PRKCE: variants seen among roughly 807,000 people sequenced by gnomAD.
PRKCE encodes protein kinase C epsilon.
In PRKCE, 16 loss-of-function variants were observed where a neutral mutation model predicts 85.4. The ratio of observed to expected loss-of-function variants is 0.19; its 90% confidence interval spans 0.13 to 0.28. The LOEUF (loss-of-function observed/expected upper bound fraction) is 0.28, where lower values mean the gene tolerates loss of function less well. Ranked by LOEUF, PRKCE falls within the 10% of genes least tolerant of loss-of-function variation. The pLI is 1.00. For synonymous variants in PRKCE, 388 were observed against 371.5 expected (o/e 1.04, Z -0.51); for missense variants, 573 against 975.2 (o/e 0.59, Z 5.49).
chr2:45,938,733 A>ATAAT (rs1394508290), intron 2 of PRKCE, among the ~76,000 whole-genome samples: 1 of 151,656 alleles, frequency 6.6e-6, no homozygotes, highest in Non-Finnish European at 1.5e-5. Flanking sequence ...AAGTAAACAA[A>ATAAT]TGTGCAAGTT....
chr2:45,978,810 G>C (rs575092993), intron 3 of PRKCE, among the ~76,000 whole-genome samples, 166 bp from the exon 4 acceptor site: 1 of 152,322 alleles, frequency 6.6e-6, no homozygotes, highest in East Asian at 1.9e-4. Flanking sequence ...GCTTCTGGAA[G>C]GAGACATTTA....
At chr2:46,178,934 G>C (rs1043691690) in intron 14 of PRKCE, among the ~76,000 whole-genome samples, 13 of 152,134 alleles carry the variant, frequency 8.5e-5, no homozygotes, top group African/African-American at 3.1e-4. Flanking sequence ...TGGAGTTACG[G>C]AAGTCATAAG....
At chr2:46,000,043 A>G (rs772933295) in intron 6 of PRKCE, among the ~76,000 whole-genome samples, 3 of 152,108 alleles carry the variant, frequency 2.0e-5, no homozygotes, top group Non-Finnish European at 4.4e-5. Context: ...CATATTAATC[A>G]TAGTTGTTTT....
chr2:46,162,361 T>G (rs1677863378), intron 14 of PRKCE, among the ~76,000 whole-genome samples: 1 of 152,170 alleles, frequency 6.6e-6, no homozygotes, highest in South Asian at 2.1e-4. Context: ...TATCACCCCC[T>G]GAGAGGATGG....
chr2:45,892,368 G>GA (rs1236224564), intron 2 of PRKCE, among the ~76,000 whole-genome samples: 1 of 180 alleles, frequency 5.6e-3, no homozygotes, highest in Admixed American at 0.05. Context: ...AGTGCTGGAT[G>GA]AACGGGGCTC....
At chr2:45,886,040 C>T (rs528953217) in intron 2 of PRKCE, among the ~76,000 whole-genome samples, 1 of 152,314 alleles carries the variant, frequency 6.6e-6, no homozygotes, top group Non-Finnish European at 1.5e-5. Context: ...GCCTCCTGCT[C>T]CTCCTCTTCC....
intron 11 of PRKCE, among the ~76,000 whole-genome samples, chr2:46,091,219 T>TGCA (rs1670139547): frequency 6.6e-6 from 1 of 152,156 alleles, no homozygotes; most frequent in Non-Finnish European, 1.5e-5. Context: ...CTGTTTCCAC[T>TGCA]TTTCCTAATT....
At chr2:46,011,546 C>T (rs372818394) in intron 10 of PRKCE, among the ~76,000 whole-genome samples, 4 of 152,226 alleles carry the variant, frequency 2.6e-5, no homozygotes, top group East Asian at 1.9e-4. Flanking sequence ...TTTGGTACAC[C>T]GTTTCCCAGA....
chr2:45,980,570 C>G (rs1209389735), intron 5 of PRKCE, among the ~76,000 whole-genome samples, 189 bp downstream of exon 5: 1 of 152,198 alleles, frequency 6.6e-6, no homozygotes, highest in African/African-American at 2.4e-5. Context: ...GAGCACAGGT[C>G]CAAGTCAGTT....
chr2:46,007,596 G>A lies in PRKCE; in HGVS notation c.1198G>A (p.Ala400Thr). ...GAATGGCGAAGTCCGGCAAGGCCAG[G>A]CCAAGCGCCTGGGCCTGGATGAGTT... ...GENGEVRQGQ[A>T]KRLGLDEFNF... The change falls in exon 9 of 15, where the codon GCC (alanine) becomes ACC (threonine). Residue 400 changes from alanine (A) to threonine (T), a missense_variant. Ala to Thr is a moderately conservative substitution (Grantham distance 58). Transcript: ENST00000306156. 6.3e-7 allele frequency: 1 copy of A among 1,599,778 alleles called. No homozygotes were observed. Among genetic ancestry groups the A allele is most frequent in the Non-Finnish European group, 8.5e-7 (1 of 1,179,958 alleles).
In PRKCE at chr2:45,743,627, T is replaced by A. The variant is rs527993126; in HGVS notation, c.348+91179T>A. 3.9e-5 allele frequency among the ~76,000 whole-genome samples: 6 copies of A among 152,360 alleles called. No homozygotes were observed. In the South Asian group the frequency reaches 1.2e-3, roughly 32 times the overall value. On this transcript the variant is annotated intron_variant, in intron 1 of 14. Transcript: ENST00000306156. The stretch of plus-strand genomic sequence containing the variant: ...TTTATCTTTCAGATCCCGCCCTGCC[T>A]GGCCACATCTGTGTACATTTACTTA...
intron 2 of PRKCE, among the ~76,000 whole-genome samples, chr2:45,920,504 A>T (rs186923481): frequency 6.6e-6 from 1 of 152,258 alleles, no homozygotes; most frequent in Admixed American, 6.5e-5. Context: ...GAAGCAACCC[A>T]AATGCCGTCA....
intron 1 of PRKCE, among the ~76,000 whole-genome samples, chr2:45,815,283 G>A (rs1314723031): frequency 1.3e-5 from 2 of 152,192 alleles, no homozygotes; most frequent in Non-Finnish European, 2.9e-5. Flanking sequence ...ATTTGACAAA[G>A]TGTTAGTTCT....
At chr2:45,882,770 C>T (rs766882293) in intron 2 of PRKCE, among the ~76,000 whole-genome samples, 29 of 152,358 alleles carry the variant, frequency 1.9e-4, no homozygotes, top group Non-Finnish European at 3.5e-4. Context: ...TCCACTTGCC[C>T]CTTTGGGCCT....
chr2:45,865,280 A>G (rs1162506848), intron 2 of PRKCE, among the ~76,000 whole-genome samples: 2 of 152,172 alleles, frequency 1.3e-5, no homozygotes, highest in Non-Finnish European at 2.9e-5. Context: ...TAATCACATG[A>G]GGAACTTGTG....
chr2:45,879,643 G>T (rs1041836703), intron 2 of PRKCE, among the ~76,000 whole-genome samples: 22 of 152,196 alleles, frequency 1.4e-4, no homozygotes, highest in African/African-American at 5.1e-4. Flanking sequence ...AAAAGCACTT[G>T]CTCTGGCTCA....
chr2:45,678,304 C>T (rs1270678004), intron 1 of PRKCE, among the ~76,000 whole-genome samples: 2 of 152,022 alleles, frequency 1.3e-5, no homozygotes, highest in Non-Finnish European at 2.9e-5. Context: ...ATCAAAGAAA[C>T]CAAAGTTAAG....
chr2:46,011,759 A>G (rs960129117), intron 10 of PRKCE, among the ~76,000 whole-genome samples: 1 of 152,008 alleles, frequency 6.6e-6, no homozygotes, highest in African/African-American at 2.4e-5. Context: ...AGGGTCCCCC[A>G]TCTCTCTCTT....
intron 1 of PRKCE, among the ~76,000 whole-genome samples, chr2:45,678,920 A>G (rs1043449021): frequency 2.0e-5 from 3 of 152,158 alleles, no homozygotes; most frequent in Non-Finnish European, 4.4e-5. Context: ...TGAGGCCTAG[A>G]CGAGTGGAAG....
Sources: allele counts gnomAD v4.1 joint callset (sites outside exome capture counted in the v4.1 genomes callset), GRCh38; gene constraint gnomAD v4.1.1; transcripts MANE v1.5; gene names NCBI Gene and HGNC (gene_info 2026-07-23, HGNC 2026-07-21).